Variants in LEMD1 observed in about 807,000 individuals in gnomAD.
LEMD1 encodes LEM domain-containing protein 1.
In LEMD1, 18 loss-of-function variants were observed where a neutral mutation model predicts 17.4. The ratio of observed to expected loss-of-function variants is 1.04; its 90% CI spans 0.72 to 1.54. The LOEUF (loss-of-function observed/expected upper bound fraction) is 1.54, where lower values mean the gene tolerates loss of function less well. Among genes scored for constraint, LEMD1 ranks in the 40% most tolerant of loss-of-function variants. LEMD1 has a pLI of 0.00. For synonymous variants in LEMD1, 88 were observed against 77.8 expected, an observed-to-expected ratio of 1.13 and a Z score of -0.69; for missense variants, 195 against 210.4, an observed-to-expected ratio of 0.93 and a Z score of 0.45.
chr1:205,419,464 G>A, intron 2 of LEMD1, 112 bp from the exon 3 acceptor site: 1 of 1,217,846 alleles, frequency 8.2e-7, no homozygotes, highest in Non-Finnish European at 1.2e-6. Context: ...TACATTATTG[G>A]TTAATTATGG....
chr1:205,444,801 G>A (rs1002256927), intron 1 of LEMD1, among the ~76,000 whole-genome samples: 1 of 152,026 alleles, frequency 6.6e-6, no homozygotes, highest in Non-Finnish European at 1.5e-5. Flanking sequence ...CAAGAAGAGG[G>A]ATATTGCGCC....
chr1:205,446,989 G>T (rs916163927), intron 1 of LEMD1, among the ~76,000 whole-genome samples: 3 of 152,240 alleles, frequency 2.0e-5, no homozygotes, highest in Non-Finnish European at 4.4e-5. Flanking sequence ...AGGGTGATTG[G>T]AGTTGGGCCA....
At chr1:205,428,222 C>A (rs2102451573) in intron 1 of LEMD1, among the ~76,000 whole-genome samples, 1 of 152,294 alleles carries the variant, frequency 6.6e-6, no homozygotes, top group Admixed American at 6.5e-5. Context: ...ACATATACCC[C>A]TCACCCTGCT....
At chr1:205,446,442 A>T (rs1041968121) in intron 1 of LEMD1, among the ~76,000 whole-genome samples, 1 of 152,200 alleles carries the variant, frequency 6.6e-6, no homozygotes, top group South Asian at 2.1e-4. Context: ...CCATCCCTAC[A>T]AAGTCCCTTG....
intron 1 of LEMD1, among the ~76,000 whole-genome samples, chr1:205,432,959 C>T (rs943437478): frequency 4.6e-5 from 7 of 152,066 alleles, no homozygotes; most frequent in African/African-American, 1.7e-4. Context: ...TGCAGTGAGC[C>T]ATGATTGTGC....
Position 205,419,279 on chromosome 1 carries a change from C to T in LEMD1, c.156G>A (p.Met52Ile), listed in dbSNP as rs749067034. 2.2e-5 allele frequency: 35 copies of T among 1,614,120 alleles called. No homozygotes were observed. Among genetic ancestry groups the T allele is most frequent in the Middle Eastern group, 3.3e-4 (2 of 6,082 alleles). The change falls in exon 3 of 6, where the codon ATG (methionine) becomes ATA (isoleucine). Residue 52 changes from methionine to isoleucine, a missense_variant. Physicochemically the swap from Met to Ile is conservative, Grantham distance 10. Transcript: ENST00000367153. ...CTCCATCCAGCTCTCTGGGTCCATT[C>T]ATCACAGGTGGTGCACAGGGAGGTG... is the stretch of plus-strand genomic sequence containing the variant. Reference protein sequence around the residue: ...LVSPPCAPPVMNGPRELDGAQ... With the variant: ...LVSPPCAPPVINGPRELDGAQ...
chr1:205,386,378 A>G (rs1175214197), intron 4 of LEMD1: 1 of 146,094 alleles, frequency 6.8e-6, no homozygotes, highest in Admixed American at 7.1e-5. Context: ...ATCTCGGCTT[A>G]CTGCAAGCTG....
intron 4 of LEMD1, among the ~76,000 whole-genome samples, chr1:205,400,966 G>A (rs1664822019): frequency 6.7e-6 from 1 of 149,544 alleles, no homozygotes; most frequent in Non-Finnish European, 1.5e-5. Flanking sequence ...TTGTCCTTGC[G>A]ATAGTTTACT....
intron 4 of LEMD1, among the ~76,000 whole-genome samples, chr1:205,390,350 C>G (rs1203866519): frequency 6.7e-6 from 1 of 149,710 alleles, no homozygotes; most frequent in African/African-American, 2.5e-5. Context: ...GCTACACTCT[C>G]TCTCTAAAAA....
intron 1 of LEMD1, among the ~76,000 whole-genome samples, chr1:205,444,438 C>A (rs980873383): frequency 6.6e-6 from 1 of 152,088 alleles, no homozygotes; most frequent in Non-Finnish European, 1.5e-5. Flanking sequence ...ATCCGTCCTC[C>A]CCCACCACTA....
intron 4 of LEMD1, among the ~76,000 whole-genome samples, chr1:205,409,371 T>C (rs768011087): frequency 6.6e-6 from 1 of 152,242 alleles, no homozygotes; most frequent in Non-Finnish European, 1.5e-5. Context: ...ATGCTTTTCA[T>C]GTAACAATAA....
chr1:205,422,669 G>A (rs866932270), upstream of LEMD1, among the ~76,000 whole-genome samples: 1 of 152,148 alleles, frequency 6.6e-6, no homozygotes, highest in African/African-American at 2.4e-5. Context: ...AGGAAAGATC[G>A]GTGAGACTAT....
chr1:205,429,001 T>C lies in LEMD1; in HGVS notation c.-38-8427A>G, dbSNP rs141167930. Among the ~76,000 whole-genome samples the C allele has an allele frequency of 9.0e-3, 1,363 of 152,254 alleles. 7 individuals are homozygous for C. Among genetic ancestry groups the C allele is most frequent in the Non-Finnish European group, 0.015 (1,049 of 68,004 alleles). ...ATCTCCACATGGCTCCCTCACAGCCTTTCAAAGTGAGGGCCTGGCAATGGG... is the reference window on the plus strand; with the variant it reads ...ATCTCCACATGGCTCCCTCACAGCCCTTCAAAGTGAGGGCCTGGCAATGGG... On this transcript the variant is annotated intron_variant, in intron 1 of 3. Coordinates refer to the LEMD1 transcript ENST00000367154.
chr1:205,384,964 A>C (rs1663919332), intron 4 of LEMD1, among the ~76,000 whole-genome samples: 1 of 151,726 alleles, frequency 6.6e-6, no homozygotes, highest in Non-Finnish European at 1.5e-5. Context: ...ACCCCTATCT[A>C]GTAAGCACTA....
rs368372789 is a variant in LEMD1 at position 205,429,793 on chromosome 1, G to A, written c.-38-9219C>T. Among the ~76,000 whole-genome samples, 5 of 152,034 alleles carry A rather than the reference G, an allele frequency of 3.3e-5. No homozygotes were observed. The South Asian group carries it at 6.2e-4, about 19-fold the overall frequency. On this transcript the variant is annotated intron_variant, in intron 1 of 3. Coordinates refer to the LEMD1 transcript ENST00000367154. ...CTATTTTGATGTTGGGGGGTGGGGG[G>A]AGCAGGGACAGGCATTTGGGGTCAT...
chr1:205,447,579 G>A (rs572976951), intron 1 of LEMD1, among the ~76,000 whole-genome samples: 14 of 152,170 alleles, frequency 9.2e-5, no homozygotes, highest in African/African-American at 3.4e-4. Flanking sequence ...TTAAAAGGGG[G>A]CAGGGGAAGG....
At chr1:205,444,790 A>G (rs2102470598) in intron 1 of LEMD1, among the ~76,000 whole-genome samples, 1 of 152,108 alleles carries the variant, frequency 6.6e-6, no homozygotes, top group African/African-American at 2.4e-5. Context: ...TCTCTGATAA[A>G]CAAGAAGAGG....
At chr1:205,432,206 GC>G (rs1168018868) in intron 1 of LEMD1, among the ~76,000 whole-genome samples, 3 of 152,216 alleles carry the variant, frequency 2.0e-5, no homozygotes, top group Non-Finnish European at 4.4e-5. Context: ...AGGGAGGAGG[GC>G]TGAAGAGTGG....
Position 205,416,306 on chromosome 1 carries a change from G to A in LEMD1, c.206-10C>T. 4.5e-6 allele frequency: 7 copies of A among 1,539,808 alleles called. No homozygotes were observed. The highest frequency in any genetic ancestry group is 6.1e-6 in the Non-Finnish European group (7 of 1,139,514). ...AAAATGATATTAAGCTCTGGATCAT[G>A]GGAAACAAAAGGAAAATAGGCCATG... is the stretch of plus-strand genomic sequence containing the variant. On this transcript the variant is annotated splice_polypyrimidine_tract_variant and intron_variant, in intron 3 of 5. Coordinates refer to ENST00000367153, the MANE Select transcript of LEMD1 (RefSeq NM_001199050.2).
Sources: gnomAD v4.1 joint callset for allele counts (sites outside exome capture counted in the v4.1 genomes callset) on GRCh38, gnomAD v4.1.1 for gene constraint, MANE v1.5 for transcripts, NCBI Gene and HGNC (gene_info 2026-07-23, HGNC 2026-07-21) for gene names.